Variants in TSHR observed in about 807,000 individuals in gnomAD.
TSHR encodes the protein thyroid stimulating hormone receptor, also known as thyrotropin receptor.
Under a neutral mutation model 64.1 loss-of-function variants are expected in TSHR, and 51 were observed. That is an observed-to-expected ratio of 0.80 (90% CI 0.64 to 1.01). The LOEUF (loss-of-function observed/expected upper bound fraction) is 1.01. Ranked by LOEUF, TSHR falls within the 50% of genes least tolerant of loss-of-function variation. TSHR has a pLI of 0.00. For synonymous variants in TSHR, 361 were observed against 361.9 expected, an observed-to-expected ratio of 1.00 and a Z score of 0.03; for missense variants, 877 against 942.8, an observed-to-expected ratio of 0.93 and a Z score of 0.91.
chr14:81,054,348 T>C (rs1158104609), intron 1 of TSHR, among the ~76,000 whole-genome samples: 3 of 152,194 alleles, frequency 2.0e-5, no homozygotes, highest in Non-Finnish European at 4.4e-5. Flanking sequence ...CTTGGGTATG[T>C]CTTTATTAGC....
chr14:81,066,942 T>G (rs145652100), intron 2 of TSHR, among the ~76,000 whole-genome samples: 1 of 152,308 alleles, frequency 6.6e-6, no homozygotes, highest in South Asian at 2.1e-4. Flanking sequence ...CATTACAAGA[T>G]GGAATTTGAG....
chr14:80,961,063 C>A (rs1009448451), intron 1 of TSHR, among the ~76,000 whole-genome samples: 31 of 152,230 alleles, frequency 2.0e-4, no homozygotes, highest in Non-Finnish European at 3.7e-4. Flanking sequence ...GGTGGTCACC[C>A]GCCCACTTTT....
At chr14:81,001,722 C>G (rs1020761185) in intron 1 of TSHR, 1 of 441,956 alleles carries the variant, frequency 2.3e-6, no homozygotes, top group Middle Eastern at 8.4e-4. Context: ...AGTGTTCTTA[C>G]AGGAAACACA....
intron 1 of TSHR, among the ~76,000 whole-genome samples, chr14:80,978,124 CA>C (rs1887980625): frequency 7.2e-6 from 1 of 138,680 alleles, no homozygotes; most frequent in Non-Finnish European, 1.6e-5. Flanking sequence ...CACACACACA[CA>C]CACACATGCA....
intron 1 of TSHR, among the ~76,000 whole-genome samples, chr14:81,006,344 C>T (rs148390887): frequency 2.6e-4 from 40 of 152,110 alleles, no homozygotes; most frequent in African/African-American, 8.7e-4. Flanking sequence ...TTTTCTGGGG[C>T]ATCTCTCCTT....
intron 8 of TSHR, 129 bp from the exon 9 acceptor site, chr14:81,139,550 T>C: frequency 7.4e-6 from 7 of 946,848 alleles, no homozygotes; most frequent in Non-Finnish European, 1.2e-5. Flanking sequence ...GCTCAGCTTA[T>C]GTACTCAGTA....
intron 3 of TSHR, among the ~76,000 whole-genome samples, chr14:81,081,230 A>G (rs1167640856): frequency 6.6e-6 from 1 of 152,232 alleles, no homozygotes; most frequent in Non-Finnish European, 1.5e-5. Flanking sequence ...ATCACATAAG[A>G]AAAGCTTTTG....
At chr14:81,079,860 GAAAA>G (rs11315908) in intron 3 of TSHR, among the ~76,000 whole-genome samples, 8 of 89,624 alleles carry the variant, frequency 8.9e-5, no homozygotes, top group Non-Finnish European at 1.6e-4. Flanking sequence ...TAGCTCAAAA[GAAAA>G]AAAAAAAAAA....
At position 81,081,167 on chromosome 14, in the gene TSHR, G is replaced by A. The variant is rs563438159; in HGVS notation, c.318-6787G>A. Among the ~76,000 whole-genome samples the A allele has an allele frequency of 2.6e-5, 4 of 152,142 alleles. No homozygotes were observed. In the East Asian group the frequency reaches 7.7e-4, roughly 29 times the overall value. On this transcript the variant is annotated intron_variant, in intron 3 of 9. Transcript: ENST00000298171. ...TAGCCACTGCACTCCAGCCTGGGCAGCATAGCATGACCCTGACTTATAAAG... is the reference window on the plus strand; with the variant it reads ...TAGCCACTGCACTCCAGCCTGGGCAACATAGCATGACCCTGACTTATAAAG...
intron 1 of TSHR, among the ~76,000 whole-genome samples, chr14:81,038,542 A>G (rs1221775109): frequency 6.6e-6 from 1 of 151,570 alleles, no homozygotes; most frequent in South Asian, 2.1e-4. Flanking sequence ...CATCAATGAA[A>G]CAAAGAATTA....
At chr14:81,064,413 C>G (rs1225564365) in intron 2 of TSHR, among the ~76,000 whole-genome samples, 5 of 152,010 alleles carry the variant, frequency 3.3e-5, no homozygotes, top group Non-Finnish European at 5.9e-5. Flanking sequence ...GTTAGGAATT[C>G]AATTTGGGGC....
At chr14:81,001,638 T>C in intron 1 of TSHR, 1 of 520,436 alleles carries the variant, frequency 1.9e-6, no homozygotes, top group Non-Finnish European at 3.8e-6. Context: ...ACACTGTTTC[T>C]GTGAAGTGAC....
At chr14:80,977,096 A>G (rs1168544380) in intron 1 of TSHR, among the ~76,000 whole-genome samples, 1 of 152,232 alleles carries the variant, frequency 6.6e-6, no homozygotes, top group Non-Finnish European at 1.5e-5. Context: ...TCCCATGGTC[A>G]CAGGCTCATT....
intron 1 of TSHR, chr14:81,052,880 A>G (rs1176421642): frequency 6.6e-6 from 1 of 151,988 alleles, no homozygotes; most frequent in Non-Finnish European, 1.5e-5. Context: ...TTGTATGTTG[A>G]TTTTGTAACC....
In TSHR at chr14:81,143,777, C is replaced by T. The variant is rs372813048; in HGVS notation, c.1719C>T (p.Asp573=). 3.0e-5 allele frequency: 49 copies of T among 1,613,978 alleles called. No homozygotes were observed. In the African/African-American group the frequency reaches 6.4e-4, roughly 21 times the overall value. The change falls in exon 10 of 10, where the codon GAC becomes GAT. Residue 573 remains aspartate, a synonymous_variant. Coordinates refer to ENST00000298171, the MANE Select transcript of TSHR (RefSeq NM_000369.5). ...AAGTCAGTATCTGCCTGCCCATGGA[C>T]ACCGAGACCCCTCTTGCTCTGGCAT... is the stretch of plus-strand genomic sequence containing the variant. ...YAKVSICLPM[D]TETPLALAYI...
intron 1 of TSHR, among the ~76,000 whole-genome samples, chr14:80,957,024 G>T (rs1475954708): frequency 6.6e-6 from 1 of 152,120 alleles, no homozygotes; most frequent in Admixed American, 6.5e-5. Flanking sequence ...GATCTTTCAA[G>T]ACCTAGTCAA....
At chr14:80,996,583 A>C (rs987490767) in intron 1 of TSHR, among the ~76,000 whole-genome samples, 2 of 77,582 alleles carry the variant, frequency 2.6e-5, no homozygotes, top group African/African-American at 7.6e-5. Flanking sequence ...CCGCACATTG[A>C]GATCTGGTCC....
At chr14:81,126,780 C>T (rs989628404) in intron 8 of TSHR, among the ~76,000 whole-genome samples, 11 of 152,158 alleles carry the variant, frequency 7.2e-5, no homozygotes, top group African/African-American at 2.7e-4. Flanking sequence ...CTTCACTGTT[C>T]CTTCTTTGCA....
At chr14:81,066,733 T>C (rs942568721) in intron 2 of TSHR, among the ~76,000 whole-genome samples, 1 of 152,198 alleles carries the variant, frequency 6.6e-6, no homozygotes, top group Admixed American at 6.6e-5. Context: ...TCATAAACTC[T>C]GATTTAATTA....
Sources: allele counts gnomAD v4.1 joint callset (sites outside exome capture counted in the v4.1 genomes callset), GRCh38; gene constraint gnomAD v4.1.1; transcripts MANE v1.5; gene names NCBI Gene and HGNC (gene_info 2026-07-23, HGNC 2026-07-21).